The following FRMD1 variants were observed in gnomAD, a reference collection of about 807,000 sequenced individuals.
The protein encoded by FRMD1 is FERM domain containing 1, also known as FERM domain-containing protein 1.
In FRMD1, 51 loss-of-function variants were observed where a neutral mutation model predicts 54.9. The observed-to-expected ratio is 0.93, with a 90% CI of 0.74 to 1.17. The LOEUF (loss-of-function observed/expected upper bound fraction) is 1.17. Among genes scored for constraint, FRMD1 ranks in the 50% most tolerant of loss-of-function variants. FRMD1 has a pLI of 0.00. For missense variants in FRMD1, 729 were observed against 743.0 expected (o/e 0.98, Z 0.22); for synonymous variants, 324 against 306.4 (o/e 1.06, Z -0.60).
chr6:168,058,242 C>T (rs1242364814), intron 10 of FRMD1, among the ~76,000 whole-genome samples: 7 of 144,860 alleles, frequency 4.8e-5, no homozygotes, highest in Middle Eastern at 7.7e-3. Flanking sequence ...ATCCGCCTCC[C>T]GTGCCCAGCC....
intron 1 of FRMD1, chr6:168,075,796 C>T (rs929175120): frequency 6.4e-7 from 1 of 1,550,422 alleles, no homozygotes; most frequent in African/African-American, 1.4e-5. Flanking sequence ...AGCTGAGCCT[C>T]TCACGGCAGC....
At position 168,059,111 on chromosome 6, in the gene FRMD1, G is replaced by A. The variant is rs370946458; in HGVS notation, c.1407+13C>T. 1.5e-4 allele frequency: 231 copies of A among 1,562,390 alleles called. 1 individual carries two copies. In the African/African-American group the frequency reaches 2.6e-3, roughly 18 times the overall value. Reference sequence around the variant, plus strand: ...GCAGGGCCAGGGCTTCTGGCCCGTGGGGGGGACTCTACCTGGTGCACGGCC... The same window carrying A: ...GCAGGGCCAGGGCTTCTGGCCCGTGAGGGGGACTCTACCTGGTGCACGGCC... On this transcript the variant is annotated intron_variant, in intron 10 of 10. Transcript: ENST00000283309. The surrounding 1 kb of genome is among the most constrained non-coding windows in gnomAD (Gnocchi z 4.4).
intron 1 of FRMD1, among the ~76,000 whole-genome samples, chr6:168,090,243 G>A (rs550630625): frequency 1.9e-4 from 29 of 152,160 alleles, no homozygotes; most frequent in African/African-American, 3.1e-4. Flanking sequence ...TCTCAGCCCC[G>A]TGATCATGCT....
At position 168,079,001 on chromosome 6, in the gene FRMD1, G is replaced by T; in HGVS notation, c.94C>A (p.Pro32Thr). The change falls in exon 1 of 11, where the codon CCT becomes ACT. Residue 32 changes from proline to threonine, a missense_variant. By Grantham distance (38) the Pro-to-Thr change is conservative. Coordinates refer to ENST00000283309, the MANE Select transcript of FRMD1 (RefSeq NM_024919.6). ...PSGARCMEPSPERPACSQQEP... is the reference protein window; with the variant it reads ...PSGARCMEPSTERPACSQQEP... ...TGCTGACTGCATGCAGGCCTCTCAG[G>T]ACTGGGTTCCATACATCGCGCCCCT... 6.2e-7 allele frequency: 1 copy of T among 1,612,482 alleles called. No homozygotes were observed.
At chr6:168,062,209 A>C (rs1291466426) in intron 7 of FRMD1, among the ~76,000 whole-genome samples, 7 of 152,164 alleles carry the variant, frequency 4.6e-5, no homozygotes, top group African/African-American at 1.7e-4. Flanking sequence ...CAGCAGTGTG[A>C]GGGGAGTGGA....
intron 1 of FRMD1, among the ~76,000 whole-genome samples, chr6:168,090,717 C>T (rs1393597750): frequency 3.9e-5 from 6 of 152,246 alleles, no homozygotes; most frequent in African/African-American, 1.4e-4. Context: ...CTGCTGAGAG[C>T]AGTTCTTGGC....
At chr6:168,080,992 T>C (rs181856177), upstream of FRMD1, among the ~76,000 whole-genome samples, 11 of 152,236 alleles carry the variant, frequency 7.2e-5, no homozygotes, top group African/African-American at 2.2e-4. Context: ...CACATTTGTA[T>C]TGATAAACAC....
chr6:168,080,705 A>G (rs984531394), upstream of FRMD1, among the ~76,000 whole-genome samples: 5 of 152,168 alleles, frequency 3.3e-5, no homozygotes, highest in Admixed American at 3.3e-4. Flanking sequence ...AGAGGGGACA[A>G]CAGGCACCAG....
At chr6:168,075,879 CCA>C in intron 1 of FRMD1, 1 of 880,212 alleles carries the variant, frequency 1.1e-6, no homozygotes, top group Non-Finnish European at 1.5e-6. Context: ...TGCCCGGTGT[CCA>C]CATTTCCGGC....
At chr6:168,074,906 C>G (rs10945465) in intron 2 of FRMD1, among the ~76,000 whole-genome samples, 131,562 of 150,068 alleles carry the variant, frequency 0.88, 57,642 homozygotes, top group Non-Finnish European at 0.9. Context: ...CATGTGTGTG[C>G]TGCATGCATG....
intron 1 of FRMD1, among the ~76,000 whole-genome samples, chr6:168,088,294 CT>C (rs1800956126): frequency 6.6e-6 from 1 of 152,208 alleles, no homozygotes; most frequent in Admixed American, 6.5e-5. Flanking sequence ...GCAGAGGCCC[CT>C]GGGTGCTCGG....
In FRMD1 at chr6:168,061,876, C is replaced by T. The variant is rs186693438; in HGVS notation, c.976G>A (p.Ala326Thr). Reference protein sequence around the residue: ...RSRHLLHLLRASHQLHLRVRP... With the variant: ...RSRHLLHLLRTSHQLHLRVRP... ...ACGCGGAGGTGGAGCTGGTGGCTGG[C>T]GCGCAGCAGGTGCAGCAGGTGCCTG... is the stretch of plus-strand genomic sequence containing the variant. The change falls in exon 8 of 11, where the codon GCC (alanine) becomes ACC (threonine). Residue 326 changes from alanine to threonine, a missense_variant. Physicochemically the swap from Ala to Thr is moderately conservative, Grantham distance 58 (BLOSUM62 0). Coordinates refer to ENST00000283309, the MANE Select transcript of FRMD1 (RefSeq NM_024919.6). 1.5e-5 allele frequency: 24 copies of T among 1,587,638 alleles called. No homozygotes were observed. The highest frequency in any genetic ancestry group is 9.2e-5 in the East Asian group (4 of 43,410).
Position 168,062,966 on chromosome 6 carries a change from G to T in FRMD1, c.805-7C>A, listed in dbSNP as rs764699933. 6.2e-7 allele frequency: 1 copy of T among 1,613,482 alleles called. No homozygotes were observed. The highest frequency in any genetic ancestry group is 8.5e-7 in the Non-Finnish European group (1 of 1,179,414). On this transcript the variant is annotated splice_region_variant and splice_polypyrimidine_tract_variant and intron_variant, in intron 6 of 10. Transcript: ENST00000283309. The stretch of plus-strand genomic sequence containing the variant: ...GACGACCTTCCTTCTTATCCTAGAG[G>T]ACACAGGTCAGAGGTCAAGTTGCAG...
upstream of FRMD1, among the ~76,000 whole-genome samples, chr6:168,079,841 G>A (rs377761284): frequency 1.6e-3 from 241 of 152,330 alleles, no homozygotes; most frequent in Middle Eastern, 0.01. Flanking sequence ...GACATCTCCC[G>A]CAGGGCCTGG....
chr6:168,059,080 G>C lies in FRMD1; in HGVS notation c.1407+44C>G, dbSNP rs1315133644. 13 of 1,464,846 alleles carry C rather than the reference G, an allele frequency of 8.9e-6. No homozygotes were observed. Among genetic ancestry groups the C allele is most frequent in the Non-Finnish European group, 1.2e-5 (13 of 1,077,376 alleles). 90.7% of individuals were successfully genotyped at this position (1,464,846 alleles called of 1,614,324 possible). A position where few individuals can be genotyped will look rare whatever the true frequency, so the allele number is the denominator to read the frequency against. On this transcript the variant is annotated intron_variant, in intron 10 of 10. Coordinates refer to ENST00000283309, the MANE Select transcript of FRMD1 (RefSeq NM_024919.6). This position sits in a 1 kb window ranked among gnomAD's most constrained non-coding sequence, Gnocchi z 4.4. ...GACAGGGGACCTAGGAGAAGGGGGT[G>C]GAGGAGCAGGGCCAGGGCTTCTGGC...
Position 168,061,839 on chromosome 6 carries a change from A to C in FRMD1, c.1013T>G (p.Leu338Arg), listed in dbSNP as rs1326617430. 2 of 1,571,444 alleles carry C rather than the reference A, an allele frequency of 1.3e-6. No individual in the cohort carries two copies. Among genetic ancestry groups the C allele is most frequent in the Non-Finnish European group, 1.7e-6 (2 of 1,159,780 alleles). The change falls in exon 8 of 11, where the codon CTG becomes CGG. Residue 338 changes from leucine to arginine, a missense_variant. Coordinates refer to ENST00000283309, the MANE Select transcript of FRMD1 (RefSeq NM_024919.6). ...HQLHLRVRPT[L>R]QQLRQREEAE... The stretch of plus-strand genomic sequence containing the variant: ...CTCCTCCCGCTGCCGCAGCTGTTGC[A>C]GAGTGGGCCGCACGCGGAGGTGGAG...
upstream of FRMD1, among the ~76,000 whole-genome samples, chr6:168,084,016 C>T (rs187781784): frequency 2.5e-3 from 386 of 152,296 alleles, 1 homozygote; most frequent in African/African-American, 8.3e-3. Flanking sequence ...GAGGGTACCC[C>T]GAGTCCTGTG....
upstream of FRMD1, among the ~76,000 whole-genome samples, chr6:168,080,107 G>A (rs184323282): frequency 2.6e-5 from 4 of 152,192 alleles, no homozygotes; most frequent in African/African-American, 7.2e-5. Context: ...ACCTCCGGAC[G>A]GGCCGTTGTT....
chr6:168,071,373 A>T (rs775660542), intron 2 of FRMD1, among the ~76,000 whole-genome samples: 7 of 152,242 alleles, frequency 4.6e-5, no homozygotes, highest in Non-Finnish European at 1.0e-4. Context: ...CACTTCCCGT[A>T]TAAAAAGTCC....
Sources: gnomAD v4.1 joint callset for allele counts (sites outside exome capture counted in the v4.1 genomes callset) on GRCh38, gnomAD v4.1.1 for gene constraint, Gnocchi (gnomAD v3.1) non-coding constraint, MANE v1.5 for transcripts, NCBI Gene and HGNC (gene_info 2026-07-23, HGNC 2026-07-21) for gene names.